The following MDGA2 variants were observed in gnomAD, a reference collection of about 807,000 sequenced individuals.
The protein encoded by MDGA2 is MAM domain-containing glycosylphosphatidylinositol anchor protein 2.
MDGA2 carries 40 observed loss-of-function variants against 117.8 expected under a neutral mutation model. The ratio of observed to expected loss-of-function variants is 0.34; its 90% CI spans 0.26 to 0.44. The LOEUF is 0.44. Ranked by LOEUF, MDGA2 falls within the 20% of genes least tolerant of loss-of-function variation. The probability of loss-of-function intolerance (pLI) is 1.00; values close to 1 mark genes in which losing one functional copy is unlikely to be tolerated. For missense variants in MDGA2, 1,123 were observed against 1,250.6 expected (o/e 0.90, Z 1.54); for synonymous variants, 452 against 439.0 (o/e 1.03, Z -0.37).
At chr14:46,878,128 G>C (rs1026677018) in intron 11 of MDGA2, among the ~76,000 whole-genome samples, 1 of 151,826 alleles carries the variant, frequency 6.6e-6, no homozygotes, top group Non-Finnish European at 1.5e-5. Flanking sequence ...TACATTTTCT[G>C]TTCTGGGGTA....
intron 3 of MDGA2, among the ~76,000 whole-genome samples, chr14:47,201,642 G>T (rs934384681): frequency 3.3e-5 from 5 of 152,190 alleles, no homozygotes; most frequent in Non-Finnish European, 7.3e-5. Context: ...TTCTATTTTA[G>T]TGTCTCAAAA....
chr14:47,413,740 CCT>C (rs1480921337), intron 1 of MDGA2, among the ~76,000 whole-genome samples: 1 of 150,900 alleles, frequency 6.6e-6, no homozygotes, highest in Admixed American at 6.6e-5. Flanking sequence ...TTGTTTAATC[CCT>C]CATTGGGATT....
At chr14:47,393,197 A>G (rs202136276) in intron 1 of MDGA2, among the ~76,000 whole-genome samples, 2 of 151,736 alleles carry the variant, frequency 1.3e-5, no homozygotes, top group East Asian at 3.9e-4. Context: ...TTGAGAAATT[A>G]AAAAACTTTA....
chr14:47,143,337 A>AT (rs903679663), intron 4 of MDGA2, among the ~76,000 whole-genome samples: 2 of 151,836 alleles, frequency 1.3e-5, no homozygotes, highest in African/African-American at 4.8e-5. Flanking sequence ...ATTTGTCCAA[A>AT]TTTTTTTTTA....
intron 1 of MDGA2, among the ~76,000 whole-genome samples, chr14:47,549,497 C>T (rs897294838): frequency 6.6e-6 from 1 of 152,034 alleles, no homozygotes; most frequent in Non-Finnish European, 1.5e-5. Flanking sequence ...TCAGACTTTT[C>T]CTTTGGCTCT....
intron 14 of MDGA2, among the ~76,000 whole-genome samples, chr14:46,865,283 A>T (rs867505848): frequency 1.3e-5 from 2 of 150,902 alleles, no homozygotes; most frequent in South Asian, 4.3e-4. Context: ...AAAACTCTTG[A>T]TTAATCCACA....
chr14:47,111,923 G>C (rs1275723675), intron 5 of MDGA2, among the ~76,000 whole-genome samples: 1 of 152,152 alleles, frequency 6.6e-6, no homozygotes, highest in African/African-American at 2.4e-5. Context: ...ATAAGATGAA[G>C]ATTTTGAGAC....
rs1354005364 is a variant in MDGA2 at position 46,840,862 on chromosome 14, T to G, written c.*1069A>C. On this transcript the variant is annotated 3_prime_UTR_variant, in exon 17 of 17. Transcript: ENST00000399232. Reference sequence around the variant, plus strand: ...AGTGTTGCTCCATGTCTGGTCTCAATGGAAGTGATTTTCTAATGGACAATA... The same window carrying G: ...AGTGTTGCTCCATGTCTGGTCTCAAGGGAAGTGATTTTCTAATGGACAATA... 1 of 152,638 alleles carries G rather than the reference T, an allele frequency of 6.6e-6. No homozygotes were observed. Among genetic ancestry groups the G allele is most frequent in the Non-Finnish European group, 1.5e-5 (1 of 68,030 alleles). 9.5% of individuals were successfully genotyped at this position (152,638 alleles called of 1,614,324 possible). A position where few individuals can be genotyped will look rare whatever the true frequency, so the allele number is the denominator to read the frequency against.
At chr14:46,945,821 G>C (rs947231015) in intron 9 of MDGA2, among the ~76,000 whole-genome samples, 2 of 151,958 alleles carry the variant, frequency 1.3e-5, no homozygotes, top group Non-Finnish European at 2.9e-5. Context: ...ACCTCATGTA[G>C]TTTGTCCAAT....
chr14:46,968,834 C>CT (rs1555339267), intron 8 of MDGA2, among the ~76,000 whole-genome samples: 2 of 125,762 alleles, frequency 1.6e-5, no homozygotes, highest in African/African-American at 3.0e-5. Context: ...AAGACTCTGT[C>CT]TAAAAAAAAA....
At chr14:47,191,810 T>C (rs1291017738) in intron 3 of MDGA2, among the ~76,000 whole-genome samples, 4 of 152,174 alleles carry the variant, frequency 2.6e-5, no homozygotes, top group African/African-American at 9.7e-5. Context: ...ATCTACTGTT[T>C]AGCTTTTCTT....
chr14:47,361,530 T>C (rs978572053), intron 1 of MDGA2, among the ~76,000 whole-genome samples: 5 of 152,132 alleles, frequency 3.3e-5, no homozygotes, highest in African/African-American at 1.2e-4. Flanking sequence ...GTGCTGTCTC[T>C]GATTTCTGGT....
At chr14:47,335,747 T>TATATATATATATATACAC (rs1055245438) in intron 1 of MDGA2, among the ~76,000 whole-genome samples, 41 of 68,632 alleles carry the variant, frequency 6.0e-4, no homozygotes, top group Admixed American at 3.6e-3. Context: ...TATATATATA[T>TATATATATATATATACAC]ACATACATAC....
At chr14:47,582,134 GTGT>G (rs1288229735) in intron 1 of MDGA2, among the ~76,000 whole-genome samples, 4 of 151,932 alleles carry the variant, frequency 2.6e-5, no homozygotes, top group South Asian at 2.1e-4. Context: ...ATTAGCTATG[GTGT>G]TGTTGTTTTT....
At chr14:47,100,792 T>C (rs928091320) in intron 5 of MDGA2, among the ~76,000 whole-genome samples, 2 of 152,142 alleles carry the variant, frequency 1.3e-5, no homozygotes, top group African/African-American at 4.8e-5. Flanking sequence ...TTATAGATTA[T>C]TTTAAATGTT....
At chr14:47,473,894 G>A (rs1893780942) in intron 1 of MDGA2, among the ~76,000 whole-genome samples, 1 of 152,082 alleles carries the variant, frequency 6.6e-6, no homozygotes, top group South Asian at 2.1e-4. Context: ...GGTAAAAGTT[G>A]GAAGCCTTCC....
intron 1 of MDGA2, among the ~76,000 whole-genome samples, chr14:47,402,021 G>A (rs1159337278): frequency 6.6e-6 from 1 of 152,170 alleles, no homozygotes; most frequent in African/African-American, 2.4e-5. Flanking sequence ...TCAAAAGTTA[G>A]CACAAGCGTG....
intron 9 of MDGA2, among the ~76,000 whole-genome samples, chr14:46,940,261 C>CA (rs1342297008): frequency 6.6e-6 from 1 of 152,088 alleles, no homozygotes; most frequent in Non-Finnish European, 1.5e-5. Flanking sequence ...ATATTTAACT[C>CA]AAGAATAATA....
At chr14:47,072,324 G>A (rs1890322765) in intron 6 of MDGA2, among the ~76,000 whole-genome samples, 1 of 152,072 alleles carries the variant, frequency 6.6e-6, no homozygotes, top group South Asian at 2.1e-4. Context: ...TTTTTTAAGT[G>A]CAAAATCTGT....
Sources: allele counts gnomAD v4.1 joint callset (sites outside exome capture counted in the v4.1 genomes callset), GRCh38; gene constraint gnomAD v4.1.1; transcripts MANE v1.5; gene names NCBI Gene and HGNC (gene_info 2026-07-23, HGNC 2026-07-21).